Variants in MSRB3 observed in about 807,000 individuals in gnomAD.
MSRB3 encodes the protein methionine sulfoxide reductase B3, also known as methionine-R-sulfoxide reductase B3.
Under a neutral mutation model 21.0 loss-of-function variants are expected in MSRB3, and 13 were observed. The observed-to-expected ratio is 0.62, with a 90% CI of 0.40 to 0.98. MSRB3 has a LOEUF of 0.98. MSRB3 is among the 50% of genes least tolerant of loss of function. The pLI, the probability that MSRB3 is intolerant of heterozygous loss-of-function variation, is 0.00. For synonymous variants in MSRB3, 87 were observed against 88.6 expected (o/e 0.98, Z 0.10); for missense variants, 199 against 230.3 (o/e 0.86, Z 0.88).
At chr12:65,398,395 G>A (rs10878270) in intron 5 of MSRB3, among the ~76,000 whole-genome samples, 88,923 of 151,944 alleles carry the variant, frequency 0.59, 26,875 homozygotes, top group South Asian at 0.71. Flanking sequence ...TTTGTTGGCC[G>A]CATAAATGTC....
chr12:65,401,055 G>T (rs1004866279), intron 5 of MSRB3, among the ~76,000 whole-genome samples: 1 of 152,196 alleles, frequency 6.6e-6, no homozygotes, highest in Non-Finnish European at 1.5e-5. Context: ...CAGAATAAGT[G>T]TGATGAGGTG....
chr12:65,306,808 G>A, intron 1 of MSRB3: 3 of 975,650 alleles, frequency 3.1e-6, no homozygotes, highest in South Asian at 4.7e-5. Context: ...CCCGGTATTT[G>A]TGGCCCTCAG....
At position 65,378,636 on chromosome 12, in the gene MSRB3, A is replaced by G. The variant is rs147658445; in HGVS notation, c.292+9610A>G. 7.2e-5 allele frequency among the ~76,000 whole-genome samples: 11 copies of G among 152,336 alleles called. No individual in the cohort carries two copies. In the East Asian group the frequency reaches 1.9e-3, roughly 27 times the overall value. ...AGGTTGCTGGCCACACACAAAAAGT[A>G]GCGTTAATGGCCTTGGTGAATTTTT... On this transcript the variant is annotated intron_variant, in intron 5 of 6. Coordinates refer to ENST00000308259, the MANE Select transcript of MSRB3 (RefSeq NM_001031679.3).
At chr12:65,294,910 C>T (rs1051227453) in intron 1 of MSRB3, among the ~76,000 whole-genome samples, 5 of 152,128 alleles carry the variant, frequency 3.3e-5, no homozygotes, top group African/African-American at 1.2e-4. Context: ...TGGCCTCGAA[C>T]TCCTGGGCTC....
intron 1 of MSRB3, among the ~76,000 whole-genome samples, chr12:65,294,510 A>G (rs1872839693): frequency 6.6e-6 from 1 of 152,194 alleles, no homozygotes; most frequent in Non-Finnish European, 1.5e-5. Flanking sequence ...ACTGGTGGGA[A>G]TCTGACTGAG....
intron 1 of MSRB3, among the ~76,000 whole-genome samples, chr12:65,287,582 A>C (rs147001771): frequency 3.3e-5 from 5 of 152,322 alleles, no homozygotes; most frequent in Middle Eastern, 3.4e-3. Context: ...TTCCTGTAAC[A>C]GTCCAGATTA....
intron 6 of MSRB3, among the ~76,000 whole-genome samples, chr12:65,456,017 A>G (rs6581636): frequency 0.44 from 67,141 of 152,066 alleles, 14,995 homozygotes; most frequent in Middle Eastern, 0.57. Flanking sequence ...GATTACAGGC[A>G]TGAGCCACCG....
chr12:65,440,839 C>A (rs1882344283), intron 5 of MSRB3, among the ~76,000 whole-genome samples: 1 of 151,822 alleles, frequency 6.6e-6, no homozygotes, highest in Admixed American at 6.6e-5. Flanking sequence ...TTAATATTTT[C>A]TTCAGCCCCA....
chr12:65,342,935 C>T (rs1413772281), intron 4 of MSRB3, among the ~76,000 whole-genome samples: 1 of 151,964 alleles, frequency 6.6e-6, no homozygotes. Flanking sequence ...CAAATGTTAA[C>T]AGTAGTTATC....
At chr12:65,432,992 G>C (rs2136666489) in intron 5 of MSRB3, among the ~76,000 whole-genome samples, 1 of 140,540 alleles carries the variant, frequency 7.1e-6, no homozygotes, top group East Asian at 2.0e-4. Context: ...TGTTGGAGAG[G>C]ATGTAGAAAA....
chr12:65,362,716 A>T (rs1289673129), intron 4 of MSRB3, among the ~76,000 whole-genome samples: 1 of 152,180 alleles, frequency 6.6e-6, no homozygotes. Flanking sequence ...TTAGGCTAAG[A>T]TGTGGAGAAA....
intron 5 of MSRB3, among the ~76,000 whole-genome samples, chr12:65,376,881 A>G (rs191461894): frequency 3.3e-5 from 5 of 152,358 alleles, no homozygotes; most frequent in Admixed American, 1.3e-4. Flanking sequence ...ATATTATTCC[A>G]AACTCATATG....
At chr12:65,414,652 C>G (rs1489649890) in intron 5 of MSRB3, among the ~76,000 whole-genome samples, 1 of 152,114 alleles carries the variant, frequency 6.6e-6, no homozygotes, top group Non-Finnish European at 1.5e-5. Flanking sequence ...AGGCTAACAG[C>G]ACATTTCTCA....
intron 5 of MSRB3, among the ~76,000 whole-genome samples, chr12:65,379,978 A>C (rs1003551421): frequency 1.3e-5 from 2 of 152,232 alleles, no homozygotes; most frequent in African/African-American, 4.8e-5. Context: ...TGTGGAGCTT[A>C]TAATCTAATT....
At chr12:65,399,098 T>G (rs1879975500) in intron 5 of MSRB3, among the ~76,000 whole-genome samples, 1 of 152,210 alleles carries the variant, frequency 6.6e-6, no homozygotes, top group Admixed American at 6.5e-5. Flanking sequence ...GGCTGTTTTT[T>G]GGTTCCATAT....
intron 1 of MSRB3, among the ~76,000 whole-genome samples, chr12:65,302,459 T>G (rs974453584): frequency 6.6e-6 from 1 of 152,196 alleles, no homozygotes; most frequent in Non-Finnish European, 1.5e-5. Flanking sequence ...TAAGCTAATG[T>G]TTTTTAACAG....
At chr12:65,452,366 A>G (rs959081995) in intron 5 of MSRB3, among the ~76,000 whole-genome samples, 7 of 152,184 alleles carry the variant, frequency 4.6e-5, no homozygotes, top group African/African-American at 1.7e-4. Context: ...TGGCACTTCT[A>G]TTATTAACAA....
intron 1 of MSRB3, among the ~76,000 whole-genome samples, chr12:65,280,499 A>G (rs773236917): frequency 4.6e-5 from 7 of 152,246 alleles, no homozygotes; most frequent in African/African-American, 7.2e-5. Context: ...TTCGAAGACC[A>G]GAATCCACTG....
At chr12:65,325,499 G>A (rs112960706) in intron 2 of MSRB3, among the ~76,000 whole-genome samples, 41 of 151,940 alleles carry the variant, frequency 2.7e-4, no homozygotes, top group East Asian at 5.8e-4. Flanking sequence ...AGAATCAACC[G>A]CTCTATCTTG....
Sources: gnomAD v4.1 joint callset for allele counts (sites outside exome capture counted in the v4.1 genomes callset) on GRCh38, gnomAD v4.1.1 for gene constraint, MANE v1.5 for transcripts, NCBI Gene and HGNC (gene_info 2026-07-23, HGNC 2026-07-21) for gene names.